SLC17A6: variants seen among roughly 807,000 people sequenced by gnomAD.
The protein encoded by SLC17A6 is vesicular glutamate transporter 2.
In SLC17A6, 35 loss-of-function variants were observed where a neutral mutation model predicts 67.1. That is an observed-to-expected ratio of 0.52 (90% CI 0.40 to 0.69). The LOEUF is 0.69. SLC17A6 is among the 30% of genes least tolerant of loss of function. The pLI, the probability that SLC17A6 is intolerant of heterozygous loss-of-function variation, is 0.00. For missense variants in SLC17A6, 588 were observed against 723.9 expected (o/e 0.81, Z 2.15); for synonymous variants, 285 against 252.3 (o/e 1.13, Z -1.23).
intron 2 of SLC17A6, chr11:22,342,895 C>A (rs1855833686): frequency 2.1e-6 from 1 of 467,486 alleles, no homozygotes; most frequent in African/African-American, 2.0e-5. Flanking sequence ...GGACCCCTGA[C>A]AGGCGTCTCC....
intron 8 of SLC17A6, among the ~76,000 whole-genome samples, chr11:22,374,126 T>A (rs1856204387): frequency 6.6e-6 from 1 of 152,234 alleles, no homozygotes; most frequent in Non-Finnish European, 1.5e-5. Flanking sequence ...TGTGTTTAAC[T>A]GATCTTGGTG....
chr11:22,367,951 T>C (rs572763384), intron 7 of SLC17A6, among the ~76,000 whole-genome samples: 2 of 152,324 alleles, frequency 1.3e-5, no homozygotes, highest in South Asian at 2.1e-4. Flanking sequence ...TTTTTTATTG[T>C]GAGTGAATTT....
intron 5 of SLC17A6, 148 bp downstream of exon 5, chr11:22,361,132 A>G: frequency 1.8e-6 from 1 of 552,732 alleles, no homozygotes. Context: ...CACCATTTCC[A>G]TTTCTTTAGT....
chr11:22,345,202 G>T (rs1477978609), intron 3 of SLC17A6, among the ~76,000 whole-genome samples: 1 of 148,650 alleles, frequency 6.7e-6, no homozygotes, highest in African/African-American at 2.5e-5. Context: ...GGGTTTTTCC[G>T]ATTATTTAAA....
At chr11:22,343,603 TG>T (rs2133858870) in intron 3 of SLC17A6, among the ~76,000 whole-genome samples, 1 of 152,282 alleles carries the variant, frequency 6.6e-6, no homozygotes, top group South Asian at 2.1e-4. Context: ...CCCTCTGCTG[TG>T]GCTGAACTTG....
intron 3 of SLC17A6, among the ~76,000 whole-genome samples, chr11:22,345,003 A>G (rs1468469694): frequency 6.6e-6 from 1 of 152,204 alleles, no homozygotes; most frequent in Non-Finnish European, 1.5e-5. Context: ...CAATTCACCA[A>G]AAAACAAAAA....
intron 8 of SLC17A6, 70 bp from the exon 9 acceptor site, chr11:22,374,685 A>G: frequency 1.5e-6 from 2 of 1,310,988 alleles, no homozygotes; most frequent in Non-Finnish European, 2.1e-6. Flanking sequence ...AGATTCAGAA[A>G]CAAAGGCCAT....
At position 22,377,660 on chromosome 11, in the gene SLC17A6, G is replaced by A. The variant is rs767371998; in HGVS notation, c.1669G>A (p.Gly557Ser). Residue 557 changes from glycine to serine, a missense_variant, in exon 12 of 12, where the codon GGT becomes AGT. By Grantham distance (56) the Gly-to-Ser change is moderately conservative (BLOSUM62 0). This residue lies in a region of SLC17A6 where 414 missense variants were observed against 563.4 expected (regional missense o/e 0.73). Transcript: ENST00000263160. Reference protein sequence around the residue: ...TTQANGGWPSGWEKKEEFVQG... With the variant: ...TTQANGGWPSSWEKKEEFVQG... ...ACAGGCCAATGGAGGTTGGCCTAGT[G>A]GTTGGGAAAAGAAAGAGGAATTTGT... 3 of 1,613,602 alleles carry A rather than the reference G, an allele frequency of 1.9e-6. No homozygotes were observed. The Admixed American group carries it at 5.0e-5, about 27-fold the overall frequency.
rs1439176149 is a variant in SLC17A6 at position 22,374,843 on chromosome 11, A to G, written c.1130A>G (p.Gln377Arg). ...GQIADFLRSK[Q>R]ILSTTTVRKI... ...ATTGCAGATTTTCTAAGAAGCAAGC[A>G]GATTCTTTCAACTACGACAGTGAGA... The change falls in exon 9 of 12, where the codon CAG (glutamine) becomes CGG (arginine). Residue 377 changes from glutamine to arginine, a missense_variant. Transcript: ENST00000263160. 1 of 1,613,746 alleles carries G rather than the reference A, an allele frequency of 6.2e-7. No homozygotes were observed. The highest frequency in any genetic ancestry group is 8.5e-7 in the Non-Finnish European group (1 of 1,179,906).
chr11:22,357,814 A>G (rs1234213716), intron 3 of SLC17A6, among the ~76,000 whole-genome samples: 3 of 152,232 alleles, frequency 2.0e-5, no homozygotes, highest in African/African-American at 7.2e-5. Context: ...ATGCAAAATT[A>G]TCTTTGGCTT....
chr11:22,338,586 A>G lies in SLC17A6; in HGVS notation c.53A>G (p.Asn18Ser). 1 of 1,613,790 alleles carries G rather than the reference A, an allele frequency of 6.2e-7. No homozygotes were observed. The highest frequency in any genetic ancestry group is 1.1e-5 in the South Asian group (1 of 91,000). ...GCCCCAGGAAAAGAGGGGCTAAAGA[A>G]TTTTGCTGGAAAATCACTCGGCCAG... is the stretch of plus-strand genomic sequence containing the variant. ...ILAPGKEGLK[N>S]FAGKSLGQIY... Residue 18 changes from asparagine (N) to serine (S), a missense_variant, in exon 1 of 12, where the codon AAT becomes AGT. By Grantham distance (46) the Asn-to-Ser change is conservative. This residue lies in a region of SLC17A6 where 117 missense variants were observed against 98.7 expected (regional missense o/e 1.19). Coordinates refer to ENST00000263160, the MANE Select transcript of SLC17A6 (RefSeq NM_020346.3).
At position 22,370,144 on chromosome 11, in the gene SLC17A6, C is replaced by G. The variant is rs1433460758; in HGVS notation, c.997C>G (p.Gln333Glu). The G allele has an allele frequency of 6.2e-7, 1 of 1,611,170 alleles. No individual in the cohort carries two copies. Among genetic ancestry groups the G allele is most frequent in the Admixed American group, 1.7e-5 (1 of 59,730 alleles). ...SWTFYLLLIS[Q>E]PAYFEEVFGF... ...GACTTTTTATTTATTGCTTATTAGT[C>G]AGCCAGCATATTTTGAGGAAGTCTT... Residue 333 changes from glutamine (Q) to glutamate (E), a missense_variant, in exon 8 of 12, where the codon CAG becomes GAG. This residue lies in a region of SLC17A6 where 414 missense variants were observed against 563.4 expected (regional missense o/e 0.73). Transcript: ENST00000263160.
chr11:22,356,219 C>T (rs1223070242), intron 3 of SLC17A6, among the ~76,000 whole-genome samples: 1 of 152,110 alleles, frequency 6.6e-6, no homozygotes, highest in African/African-American at 2.4e-5. Flanking sequence ...TGACCTGTAA[C>T]TCTTACCTTC....
At chr11:22,350,009 T>G (rs1374938898) in intron 3 of SLC17A6, among the ~76,000 whole-genome samples, 2 of 152,172 alleles carry the variant, frequency 1.3e-5, no homozygotes, top group Non-Finnish European at 2.9e-5. Context: ...GAACATCATC[T>G]GTAGAAGTGA....
intron 8 of SLC17A6, among the ~76,000 whole-genome samples, chr11:22,374,532 A>AG (rs1856210696): frequency 6.6e-6 from 1 of 151,920 alleles, no homozygotes; most frequent in Non-Finnish European, 1.5e-5. Flanking sequence ...GTGGCAAAAA[A>AG]AAAAAAATTA....
intron 5 of SLC17A6, among the ~76,000 whole-genome samples, chr11:22,361,591 A>G (rs528102810): frequency 4.6e-5 from 7 of 152,234 alleles, no homozygotes; most frequent in Middle Eastern, 3.4e-3. Flanking sequence ...CATTCATTGG[A>G]ACTTTTATTT....
chr11:22,351,900 C>T (rs888781242), intron 3 of SLC17A6, among the ~76,000 whole-genome samples: 6 of 147,460 alleles, frequency 4.1e-5, no homozygotes, highest in Admixed American at 3.5e-4. Flanking sequence ...CTCACATGAA[C>T]ATTAAATGTT....
At chr11:22,372,883 A>C (rs536592456) in intron 8 of SLC17A6, among the ~76,000 whole-genome samples, 48 of 152,316 alleles carry the variant, frequency 3.2e-4, no homozygotes, top group South Asian at 2.5e-3. Context: ...AAAAGCCAAG[A>C]AGACCACTGA....
intron 5 of SLC17A6, 161 bp downstream of exon 5, chr11:22,361,145 T>C (rs1856047750): frequency 3.7e-6 from 2 of 547,800 alleles, no homozygotes; most frequent in Admixed American, 6.4e-5. Flanking sequence ...TCTTTAGTTT[T>C]ATTGTTTTGC....
Sources: allele counts gnomAD v4.1 joint callset (sites outside exome capture counted in the v4.1 genomes callset), GRCh38; gene constraint gnomAD v4.1.1; regional missense constraint gnomAD v4.1.1; transcripts MANE v1.5; gene names NCBI Gene and HGNC (gene_info 2026-07-23, HGNC 2026-07-21).